Variants in EPB41L4A observed in about 807,000 individuals in gnomAD.
EPB41L4A encodes band 4.1-like protein 4A.
A neutral mutation model predicts 108.6 loss-of-function variants in EPB41L4A; 100 were observed. The observed-to-expected ratio is 0.92, with a 90% CI of 0.78 to 1.09. The LOEUF (loss-of-function observed/expected upper bound fraction) is 1.09. EPB41L4A is among the 50% of genes least tolerant of loss of function. The pLI is 0.00. For missense variants in EPB41L4A, 1,030 were observed against 842.7 expected (o/e 1.22, Z -2.75); for synonymous variants, 319 against 289.0 (o/e 1.10, Z -1.05).
At chr5:112,305,703 T>C (rs1333480133) in intron 2 of EPB41L4A, among the ~76,000 whole-genome samples, 2 of 152,164 alleles carry the variant, frequency 1.3e-5, no homozygotes, top group Non-Finnish European at 2.9e-5. Flanking sequence ...CTAAGCAATG[T>C]TTACAAATCA....
intron 4 of EPB41L4A, among the ~76,000 whole-genome samples, chr5:112,272,161 G>A (rs1023635567): frequency 7.6e-6 from 1 of 131,342 alleles, no homozygotes; most frequent in African/African-American, 2.7e-5. Flanking sequence ...TTGAGATGGA[G>A]TCTAGCTCTG....
At chr5:112,205,293 G>A in intron 14 of EPB41L4A, 128 bp downstream of exon 14, 1 of 813,184 alleles carries the variant, frequency 1.2e-6, no homozygotes, top group East Asian at 2.4e-5. Flanking sequence ...CATTGATTTA[G>A]AGTCTGCCCA....
intron 1 of EPB41L4A, among the ~76,000 whole-genome samples, chr5:112,367,710 A>G (rs186818771): frequency 2.8e-4 from 43 of 152,356 alleles, no homozygotes; most frequent in Non-Finnish European, 5.6e-4. Flanking sequence ...TTTAATAAAA[A>G]CATCCATTCC....
intron 12 of EPB41L4A, among the ~76,000 whole-genome samples, chr5:112,226,574 G>C (rs1396143239): frequency 6.6e-6 from 1 of 152,144 alleles, no homozygotes; most frequent in African/African-American, 2.4e-5. Flanking sequence ...TGTCATCACT[G>C]TTAATGAACA....
At chr5:112,382,051 G>A (rs1379774748) in intron 1 of EPB41L4A, among the ~76,000 whole-genome samples, 2 of 152,086 alleles carry the variant, frequency 1.3e-5, no homozygotes, top group Non-Finnish European at 2.9e-5. Flanking sequence ...TTTATAATAC[G>A]GCAGTGCACA....
intron 1 of EPB41L4A, among the ~76,000 whole-genome samples, chr5:112,401,916 C>T (rs189274203): frequency 6.6e-6 from 1 of 152,192 alleles, no homozygotes; most frequent in Non-Finnish European, 1.5e-5. Flanking sequence ...CTTAGAGCAG[C>T]AAAATGTATT....
chr5:112,193,304 C>T (rs1285031713), intron 17 of EPB41L4A, among the ~76,000 whole-genome samples: 3 of 151,610 alleles, frequency 2.0e-5, no homozygotes, highest in Admixed American at 2.0e-4. Flanking sequence ...TTCTTTCTTT[C>T]TTTTTTTTTC....
At chr5:112,248,093 T>G (rs1406483901) in intron 9 of EPB41L4A, among the ~76,000 whole-genome samples, 2 of 152,212 alleles carry the variant, frequency 1.3e-5, no homozygotes, top group Non-Finnish European at 2.9e-5. Context: ...TATAGTGAGC[T>G]TTAGGACAAG....
chr5:112,146,683 A>C (rs994739908), intron 12 of EPB41L4A, among the ~76,000 whole-genome samples: 3 of 152,236 alleles, frequency 2.0e-5, no homozygotes, highest in African/African-American at 7.2e-5. Flanking sequence ...AAAAAAATTA[A>C]GACCAGTCGA....
At chr5:112,290,958 TAC>T (rs1032593903) in intron 2 of EPB41L4A, among the ~76,000 whole-genome samples, 1 of 152,168 alleles carries the variant, frequency 6.6e-6, no homozygotes, top group African/African-American at 2.4e-5. Context: ...CATCTGCAAT[TAC>T]AGTCTGTTTC....
intron 1 of EPB41L4A, among the ~76,000 whole-genome samples, chr5:112,339,487 T>TATCTATATATATAGAGATATATAG (rs1757136597): frequency 3.5e-5 from 1 of 28,906 alleles, no homozygotes; most frequent in African/African-American, 8.3e-5. Flanking sequence ...TATATATATA[T>TATCTATATATATAGAGATATATAG]ATATATATCT....
At chr5:112,153,842 A>C (rs1759558366) in intron 12 of EPB41L4A, among the ~76,000 whole-genome samples, 12 of 151,180 alleles carry the variant, frequency 7.9e-5, no homozygotes, top group Admixed American at 7.9e-4. Flanking sequence ...TCAAAAAATC[A>C]AAATCTTATA....
At chr5:112,375,436 A>C (rs1444810389) in intron 1 of EPB41L4A, among the ~76,000 whole-genome samples, 1 of 152,156 alleles carries the variant, frequency 6.6e-6, no homozygotes, top group Admixed American at 6.5e-5. Flanking sequence ...CAATGCAAAA[A>C]ATGTTCTGGT....
chr5:112,298,139 G>T (rs188849681), intron 2 of EPB41L4A, among the ~76,000 whole-genome samples: 1 of 152,042 alleles, frequency 6.6e-6, no homozygotes, highest in Non-Finnish European at 1.5e-5. Context: ...TGAACTGTAG[G>T]ATTGTTTTTT....
intron 9 of EPB41L4A, among the ~76,000 whole-genome samples, chr5:112,256,425 G>C (rs1751100229): frequency 6.6e-6 from 1 of 152,066 alleles, no homozygotes; most frequent in African/African-American, 2.4e-5. Flanking sequence ...ATTTGCAAGT[G>C]ATATACCTAT....
intron 12 of EPB41L4A, among the ~76,000 whole-genome samples, chr5:112,154,896 T>G (rs1580329668): frequency 6.6e-6 from 1 of 152,234 alleles, no homozygotes; most frequent in East Asian, 1.9e-4. Flanking sequence ...AAGCAGAGAT[T>G]TCAAAAGATA....
chr5:112,210,073 T>G, intron 12 of EPB41L4A, 91 bp from the exon 13 acceptor site: 1 of 740,980 alleles, frequency 1.3e-6, no homozygotes, highest in Admixed American at 2.6e-5. Flanking sequence ...AATGCAATTT[T>G]AGGGACACTG....
chr5:112,275,450 G>C, intron 3 of EPB41L4A, 46 bp from the exon 4 acceptor site: 2 of 1,485,370 alleles, frequency 1.3e-6, no homozygotes, highest in Non-Finnish European at 1.8e-6. Context: ...TCATAAATTA[G>C]TCAAAGTTAC....
chr5:112,197,907 C>A (rs535976479), intron 15 of EPB41L4A, among the ~76,000 whole-genome samples: 72 of 152,260 alleles, frequency 4.7e-4, no homozygotes, highest in African/African-American at 1.7e-3. Context: ...CTGAAAATGT[C>A]TTTATTCTAT....
Sources: allele counts gnomAD v4.1 joint callset (sites outside exome capture counted in the v4.1 genomes callset), GRCh38; gene constraint gnomAD v4.1.1; transcripts MANE v1.5; gene names NCBI Gene and HGNC (gene_info 2026-07-23, HGNC 2026-07-21).